The following GALNT11 variants were observed in gnomAD, a reference collection of about 807,000 sequenced individuals.
The protein encoded by GALNT11 is polypeptide N-acetylgalactosaminyltransferase 11, also known as UDP-GalNAc:polypeptide N-acetylgalactosaminyltransferase 11.
Under a neutral mutation model 72.7 loss-of-function variants are expected in GALNT11, and 47 were observed. That is an observed-to-expected ratio of 0.65 (90% CI 0.51 to 0.82). The LOEUF is 0.82. Ranked by LOEUF, GALNT11 falls within the 40% of genes least tolerant of loss-of-function variation. The pLI is 0.00. For synonymous variants in GALNT11, 270 were observed against 286.6 expected, an observed-to-expected ratio of 0.94 and a Z score of 0.58; for missense variants, 677 against 778.4, an observed-to-expected ratio of 0.87 and a Z score of 1.55.
At chr7:152,064,462 G>T (rs1017071398) in intron 1 of GALNT11, among the ~76,000 whole-genome samples, 1 of 152,128 alleles carries the variant, frequency 6.6e-6, no homozygotes, top group Non-Finnish European at 1.5e-5. Flanking sequence ...TACATTTAAG[G>T]TTAATATTGT....
intron 1 of GALNT11, among the ~76,000 whole-genome samples, chr7:152,078,837 A>G (rs1394139548): frequency 6.6e-6 from 1 of 152,186 alleles, no homozygotes; most frequent in Non-Finnish European, 1.5e-5. Context: ...TTGATTGAAG[A>G]CTGAGAGATA....
intron 2 of GALNT11, among the ~76,000 whole-genome samples, chr7:152,099,341 C>CA (rs1563070748): frequency 1.4e-4 from 19 of 137,538 alleles, no homozygotes; most frequent in African/African-American, 4.6e-4. Flanking sequence ...TAAAAATGGA[C>CA]TTTTATTTAT....
rs1208533221 is a variant in GALNT11 at position 152,097,498 on chromosome 7, G to C, written c.295+2976G>C. Among the ~76,000 whole-genome samples the C allele has an allele frequency of 5.3e-5, 8 of 152,102 alleles. No individual in the cohort carries two copies. The East Asian group carries it at 1.3e-3, about 26-fold the overall frequency. On this transcript the variant is annotated intron_variant, in intron 2 of 11. Transcript: ENST00000430044. The stretch of plus-strand genomic sequence containing the variant: ...ATATAACCCAGCAATACCACTCCAG[G>C]GTTTGTACTTGGAAGAATTGTCAAC...
chr7:152,121,002 C>T (rs2089373783), intron 11 of GALNT11, 34 bp downstream of exon 11: 5 of 1,600,902 alleles, frequency 3.1e-6, no homozygotes, highest in Non-Finnish European at 4.3e-6. Flanking sequence ...GGAGAATGCG[C>T]AGAGGCCCAC....
chr7:152,051,212 T>G (rs1014015522), intron 1 of GALNT11, among the ~76,000 whole-genome samples: 13 of 148,244 alleles, frequency 8.8e-5, no homozygotes, highest in Non-Finnish European at 1.6e-4. Context: ...TTTTTTTTTT[T>G]TTTTTTTTTT....
At chr7:152,117,414 G>A (rs769568058) in intron 9 of GALNT11, 39 bp downstream of exon 9, 12 of 1,600,972 alleles carry the variant, frequency 7.5e-6, no homozygotes, top group African/African-American at 4.0e-5. Context: ...TATGAAAAGC[G>A]TTTGATATGA....
chr7:152,028,939 G>A (rs1014684405), intron 1 of GALNT11, among the ~76,000 whole-genome samples: 22 of 152,308 alleles, frequency 1.4e-4, no homozygotes, highest in Non-Finnish European at 1.8e-4. Flanking sequence ...AATTTGAAAA[G>A]GAGGTTAAAA....
At position 152,121,465 on chromosome 7, in the gene GALNT11, C is replaced by T; in HGVS notation, c.1696-81C>T. The T allele has an allele frequency of 2.0e-6, 3 of 1,527,202 alleles. No individual in the cohort carries two copies. The East Asian group carries it at 6.8e-5, about 35-fold the overall frequency. 94.6% of individuals were successfully genotyped at this position (1,527,202 alleles called of 1,614,324 possible). A position where few individuals can be genotyped will look rare whatever the true frequency, so the allele number is the denominator to read the frequency against. On this transcript the variant is annotated intron_variant, in intron 11 of 11. Coordinates refer to ENST00000430044, the MANE Select transcript of GALNT11 (RefSeq NM_022087.4). ...ACTATTGTATCCCTTAATCTGAATT[C>T]TTAAGTGCTCCATCTCTCCTCTGGA...
intron 1 of GALNT11, among the ~76,000 whole-genome samples, chr7:152,049,563 C>T (rs2083294291): frequency 6.6e-6 from 1 of 152,184 alleles, no homozygotes; most frequent in Non-Finnish European, 1.5e-5. Context: ...ACTGAGATTA[C>T]ACTGGGGCAG....
Position 152,118,750 on chromosome 7 carries a change from C to G in GALNT11, c.1525C>G (p.Leu509Val). 10 of 1,610,976 alleles carry G rather than the reference C, an allele frequency of 6.2e-6. No homozygotes were observed. Among genetic ancestry groups the G allele is most frequent in the Non-Finnish European group, 8.5e-6 (10 of 1,179,046 alleles). Residue 509 changes from leucine to valine, a missense_variant, in exon 10 of 12, where the codon CTT (leucine) becomes GTT (valine). Leu to Val is a conservative substitution (Grantham distance 32). Coordinates refer to ENST00000430044, the MANE Select transcript of GALNT11 (RefSeq NM_022087.4). ...AAGTCAGAAGGGAGGTCTCGTGGTG[C>G]TTAAGGCCTGTGACTACAGTGACCC... ...RPSQKGGLVV[L>V]KACDYSDPNQ...
chr7:152,073,473 G>A (rs1177402211), intron 1 of GALNT11, among the ~76,000 whole-genome samples: 1 of 152,180 alleles, frequency 6.6e-6, no homozygotes. Context: ...TGAGTGACAG[G>A]ATTCCACTCA....
chr7:152,088,194 T>C (rs2085774858), intron 1 of GALNT11, among the ~76,000 whole-genome samples: 2 of 152,332 alleles, frequency 1.3e-5, no homozygotes, highest in South Asian at 4.1e-4. Flanking sequence ...GTGATACAAG[T>C]GATTATAGGA....
intron 1 of GALNT11, among the ~76,000 whole-genome samples, chr7:152,030,086 C>G (rs903948141): frequency 4.6e-5 from 7 of 152,108 alleles, no homozygotes; most frequent in Non-Finnish European, 1.0e-4. Flanking sequence ...GTTTTTTCCC[C>G]GTGTGCGGAG....
At chr7:152,097,656 A>T (rs1451935715) in intron 2 of GALNT11, among the ~76,000 whole-genome samples, 3 of 152,244 alleles carry the variant, frequency 2.0e-5, no homozygotes, top group Non-Finnish European at 4.4e-5. Flanking sequence ...ATACCATGGA[A>T]TATTATTCAG....
At chr7:152,112,561 C>G (rs925401081) in intron 7 of GALNT11, among the ~76,000 whole-genome samples, 6 of 151,322 alleles carry the variant, frequency 4.0e-5, no homozygotes, top group African/African-American at 1.5e-4. Context: ...AAAGAAAAAG[C>G]AGGTTTTCAT....
intron 2 of GALNT11, among the ~76,000 whole-genome samples, chr7:152,095,052 A>T (rs2086284344): frequency 6.6e-6 from 1 of 152,224 alleles, no homozygotes; most frequent in Non-Finnish European, 1.5e-5. Context: ...AATACAGAAC[A>T]TAAAGTACTG....
At chr7:152,121,350 A>G (rs2089417925) in intron 11 of GALNT11, among the ~76,000 whole-genome samples, 196 bp from the exon 12 acceptor site, 2 of 152,354 alleles carry the variant, frequency 1.3e-5, no homozygotes, top group South Asian at 2.1e-4. Context: ...AGTATACTAT[A>G]ATACAAATTG....
intron 1 of GALNT11, among the ~76,000 whole-genome samples, chr7:152,056,484 T>C (rs1213699268): frequency 1.3e-5 from 2 of 152,160 alleles, no homozygotes; most frequent in Non-Finnish European, 2.9e-5. Flanking sequence ...GTGAAGAGAC[T>C]ACAACTTAAC....
chr7:152,118,979 G>C, intron 10 of GALNT11, 197 bp downstream of exon 10: 1 of 391,090 alleles, frequency 2.6e-6, no homozygotes, highest in East Asian at 4.1e-5. Context: ...TCACCGCCAG[G>C]GTCTGATTTT....
Sources: gnomAD v4.1 joint callset for allele counts (sites outside exome capture counted in the v4.1 genomes callset) on GRCh38, gnomAD v4.1.1 for gene constraint, MANE v1.5 for transcripts, NCBI Gene and HGNC (gene_info 2026-07-23, HGNC 2026-07-21) for gene names.